Variants in PIK3CB observed in about 807,000 individuals in gnomAD.
The protein encoded by PIK3CB is phosphatidylinositol 4,5-bisphosphate 3-kinase catalytic subunit beta isoform.
A neutral mutation model predicts 136.8 loss-of-function variants in PIK3CB; 39 were observed. The ratio of observed to expected loss-of-function variants is 0.29; its 90% CI spans 0.22 to 0.37. The LOEUF is 0.37. PIK3CB is among the 10% of genes least tolerant of loss of function. The probability of loss-of-function intolerance (pLI) is 1.00; values close to 1 mark genes in which losing one functional copy is unlikely to be tolerated. For missense variants in PIK3CB, 868 were observed against 1,275.4 expected, an observed-to-expected ratio of 0.68 and a Z score of 4.87; for synonymous variants, 428 against 436.6, an observed-to-expected ratio of 0.98 and a Z score of 0.25.
intron 11 of PIK3CB, among the ~76,000 whole-genome samples, chr3:138,704,985 C>G (rs1411361399): frequency 6.6e-6 from 1 of 150,638 alleles, no homozygotes; most frequent in Non-Finnish European, 1.5e-5. Context: ...GAGATGGGGT[C>G]TATGTTGCCC....
chr3:138,776,201 CA>C (rs200733132), intron 2 of PIK3CB, among the ~76,000 whole-genome samples: 1 of 147,502 alleles, frequency 6.8e-6, no homozygotes, highest in African/African-American at 2.5e-5. Flanking sequence ...TCCATCTCAA[CA>C]AAAAAAAAGA....
At chr3:138,763,982 G>A (rs1018087467) in intron 2 of PIK3CB, among the ~76,000 whole-genome samples, 1 of 151,834 alleles carries the variant, frequency 6.6e-6, no homozygotes, top group African/African-American at 2.4e-5. Context: ...ATGGAGGCAC[G>A]CCCCTGTAAT....
chr3:138,665,522 TTTTGGGGAAATAAACTAC>T (rs1157986720), intron 19 of PIK3CB, among the ~76,000 whole-genome samples: 1 of 152,188 alleles, frequency 6.6e-6, no homozygotes, highest in African/African-American at 2.4e-5. Flanking sequence ...TTACTCTACA[TTTTGGGGAAATAAACTAC>T]TCTTTATGGA....
intron 4 of PIK3CB, among the ~76,000 whole-genome samples, chr3:138,749,767 A>G (rs754555015): frequency 4.6e-5 from 7 of 152,220 alleles, no homozygotes; most frequent in South Asian, 2.1e-4. Flanking sequence ...CTAAGAGGTC[A>G]TCCCTGATTC....
intron 1 of PIK3CB, among the ~76,000 whole-genome samples, chr3:138,811,849 G>A (rs955924834): frequency 6.6e-6 from 1 of 152,110 alleles, no homozygotes; most frequent in African/African-American, 2.4e-5. Context: ...AGCACTTTGG[G>A]AGACCAAGGC....
At chr3:138,828,681 C>A (rs1933893041) in intron 1 of PIK3CB, among the ~76,000 whole-genome samples, 1 of 152,118 alleles carries the variant, frequency 6.6e-6, no homozygotes, top group Non-Finnish European at 1.5e-5. Context: ...TCACTTGAGA[C>A]CAGGAGTTCA....
At chr3:138,807,560 T>A (rs558397191) in intron 1 of PIK3CB, among the ~76,000 whole-genome samples, 7 of 152,114 alleles carry the variant, frequency 4.6e-5, no homozygotes, top group Admixed American at 4.6e-4. Context: ...CTATGGTACA[T>A]CCACATAACG....
intron 2 of PIK3CB, among the ~76,000 whole-genome samples, chr3:138,790,474 T>C (rs2046035469): frequency 6.7e-6 from 1 of 149,776 alleles, no homozygotes; most frequent in South Asian, 2.1e-4. Flanking sequence ...AGCAAAATGA[T>C]AAATTTTATA....
chr3:138,689,072 G>A, intron 15 of PIK3CB, 98 bp from the exon 16 acceptor site: 1 of 721,380 alleles, frequency 1.4e-6, no homozygotes, highest in Non-Finnish European at 2.4e-6. Context: ...ATAAACTTAT[G>A]ATGGCAAGGT....
chr3:138,752,390 C>T (rs942297992), intron 4 of PIK3CB, among the ~76,000 whole-genome samples: 2 of 152,144 alleles, frequency 1.3e-5, no homozygotes, highest in African/African-American at 4.8e-5. Context: ...GAGGCATGGC[C>T]TCATCAAGCC....
At chr3:138,779,026 C>CT (rs1291481753) in intron 2 of PIK3CB, among the ~76,000 whole-genome samples, 3 of 46,662 alleles carry the variant, frequency 6.4e-5, no homozygotes, top group African/African-American at 6.3e-4. Flanking sequence ...CCCTCTACTG[C>CT]CAAAAAAAAA....
intron 8 of PIK3CB, among the ~76,000 whole-genome samples, 154 bp from the exon 9 acceptor site, chr3:138,714,873 A>G (rs2044576371): frequency 6.6e-6 from 1 of 152,226 alleles, no homozygotes; most frequent in African/African-American, 2.4e-5. Context: ...CAAGTTTTAG[A>G]AAGCCTACTT....
chr3:138,809,145 G>A (rs932971286), intron 1 of PIK3CB, among the ~76,000 whole-genome samples: 1 of 151,524 alleles, frequency 6.6e-6, no homozygotes, highest in African/African-American at 2.4e-5. Context: ...GGGCATGGTG[G>A]CGCGCACCTG....
At chr3:138,802,382 A>G (rs1016846022) in intron 1 of PIK3CB, among the ~76,000 whole-genome samples, 2 of 151,636 alleles carry the variant, frequency 1.3e-5, no homozygotes, top group Non-Finnish European at 2.9e-5. Context: ...TCTCAAAAAA[A>G]AAAGAAAGAA....
chr3:138,669,899 G>A (rs2108440794), intron 19 of PIK3CB, among the ~76,000 whole-genome samples: 1 of 152,030 alleles, frequency 6.6e-6, no homozygotes, highest in South Asian at 2.1e-4. Context: ...TAGAAACATT[G>A]GAGCACATAT....
chr3:138,688,425 C>T (rs748157924), intron 16 of PIK3CB, among the ~76,000 whole-genome samples: 34 of 136,406 alleles, frequency 2.5e-4, no homozygotes, highest in Non-Finnish European at 4.6e-4. Context: ...CGCTTGAACC[C>T]GGGAGGCGGA....
intron 1 of PIK3CB, among the ~76,000 whole-genome samples, chr3:138,815,155 AAAAAAAAAT>A (rs1171685334): frequency 2.5e-5 from 3 of 118,874 alleles, no homozygotes; most frequent in African/African-American, 3.5e-5. Flanking sequence ...AAAAAAAAAA[AAAAAAAAAT>A]ATATATATAT....
intron 8 of PIK3CB, among the ~76,000 whole-genome samples, chr3:138,732,180 GA>G (rs1314701326): frequency 6.6e-6 from 1 of 152,074 alleles, no homozygotes; most frequent in Admixed American, 6.6e-5. Context: ...CTTTTCTGAG[GA>G]GCGGTAAGAG....
At chr3:138,694,642 G>T in intron 14 of PIK3CB, 144 bp downstream of exon 14, 3 of 775,086 alleles carry the variant, frequency 3.9e-6, no homozygotes, top group South Asian at 2.5e-5. Flanking sequence ...GAGTTGGGGA[G>T]CTGGCAGGAG....
Sources: gnomAD v4.1 joint callset for allele counts (sites outside exome capture counted in the v4.1 genomes callset) on GRCh38, gnomAD v4.1.1 for gene constraint, MANE v1.5 for transcripts, NCBI Gene and HGNC (gene_info 2026-07-23, HGNC 2026-07-21) for gene names.